NSUN6: variants seen among roughly 807,000 people sequenced by gnomAD.
The protein encoded by NSUN6 is NOP2/Sun RNA methyltransferase 6.
A neutral mutation model predicts 58.0 loss-of-function variants in NSUN6; 64 were observed. The observed-to-expected ratio is 1.10, with a 90% CI of 0.90 to 1.36. The LOEUF (loss-of-function observed/expected upper bound fraction) is 1.36, where lower values mean the gene tolerates loss of function less well. Ranked by LOEUF, NSUN6 falls within the 40% of genes most tolerant of loss-of-function variation. NSUN6 has a pLI of 0.00. For missense variants in NSUN6, 701 were observed against 550.1 expected (o/e 1.27, Z -2.74); for synonymous variants, 231 against 193.9 (o/e 1.19, Z -1.59).
intron 3 of NSUN6, among the ~76,000 whole-genome samples, chr10:18,626,716 G>A (rs374140959): frequency 1.3e-5 from 2 of 152,288 alleles, no homozygotes; most frequent in Admixed American, 1.3e-4. Flanking sequence ...GCAGTGAGCC[G>A]AGATCGTGCC....
intron 3 of NSUN6, among the ~76,000 whole-genome samples, chr10:18,630,809 A>T (rs1450794561): frequency 1.3e-5 from 2 of 152,178 alleles, no homozygotes; most frequent in Non-Finnish European, 2.9e-5. Context: ...TTCACAGCCA[A>T]ATTCTACCAG....
At chr10:18,646,698 G>T (rs1408975303) in intron 2 of NSUN6, among the ~76,000 whole-genome samples, 1 of 152,098 alleles carries the variant, frequency 6.6e-6, no homozygotes, top group Non-Finnish European at 1.5e-5. Context: ...CAAAAATGTA[G>T]CAGGCGTCTG....
chr10:18,552,106 T>C (rs1364314808), intron 8 of NSUN6, 135 bp from the exon 9 acceptor site: 4 of 593,696 alleles, frequency 6.7e-6, no homozygotes, highest in African/African-American at 1.9e-5. Context: ...ATCAAGTAGC[T>C]GGTTAAACTA....
At chr10:18,560,135 C>T (rs528828032) in intron 8 of NSUN6, among the ~76,000 whole-genome samples, 43 of 137,062 alleles carry the variant, frequency 3.1e-4, no homozygotes, top group Non-Finnish European at 6.1e-4. Context: ...ATCGAGAATG[C>T]AGAATGGATA....
At position 18,641,684 on chromosome 10, in the gene NSUN6, T is replaced by C. The variant is rs555308814; in HGVS notation, c.311+792A>G. Among the ~76,000 whole-genome samples, 3 of 152,274 alleles carry C rather than the reference T, an allele frequency of 2.0e-5. No homozygotes were observed. In the East Asian group the frequency reaches 5.8e-4, roughly 29 times the overall value. On this transcript the variant is annotated intron_variant, in intron 3 of 10. Coordinates refer to ENST00000377304, the MANE Select transcript of NSUN6 (RefSeq NM_182543.5). ...CCACCAGATCCAGCCTGAAACCTATTTTTCAATTTTCAAACATATGCTTTC... is the reference window on the plus strand; with the variant it reads ...CCACCAGATCCAGCCTGAAACCTATCTTTCAATTTTCAAACATATGCTTTC...
intron 8 of NSUN6, among the ~76,000 whole-genome samples, chr10:18,573,587 T>C (rs2056501858): frequency 6.6e-6 from 1 of 152,140 alleles, no homozygotes. Flanking sequence ...TAGAAAAAGT[T>C]GTCATCCCAG....
At chr10:18,583,836 G>A (rs1311344832) in intron 8 of NSUN6, among the ~76,000 whole-genome samples, 1 of 152,138 alleles carries the variant, frequency 6.6e-6, no homozygotes, top group East Asian at 1.9e-4. Flanking sequence ...CTGAGTGCTT[G>A]CATTTTTCTA....
At chr10:18,616,074 G>C (rs866828852) in intron 4 of NSUN6, 110 bp downstream of exon 4, 16 of 653,700 alleles carry the variant, frequency 2.4e-5, no homozygotes, top group Middle Eastern at 2.5e-4. Flanking sequence ...AAAAATACCC[G>C]ACCAAGAAAA....
intron 3 of NSUN6, among the ~76,000 whole-genome samples, chr10:18,624,482 T>C (rs1047160109): frequency 2.0e-5 from 3 of 151,056 alleles, no homozygotes; most frequent in Admixed American, 6.6e-5. Flanking sequence ...GAGACCATCC[T>C]GGCTAAAAAA....
intron 10 of NSUN6, 59 bp downstream of exon 10, chr10:18,548,053 C>T: frequency 2.6e-6 from 4 of 1,537,850 alleles, no homozygotes; most frequent in Non-Finnish European, 3.6e-6. Context: ...CTGATTACCA[C>T]AGTGCTTCAG....
intron 3 of NSUN6, among the ~76,000 whole-genome samples, chr10:18,631,810 G>A (rs1176486108): frequency 9.2e-5 from 14 of 152,116 alleles, no homozygotes; most frequent in Non-Finnish European, 1.5e-4. Context: ...AATCAATATC[G>A]TAAAAATGGC....
chr10:18,555,906 A>AATG lies in NSUN6; in HGVS notation c.923-3936_923-3935insCAT, dbSNP rs1554850206. ...TGGAATGGAGAATAGAATGGAATGG[A>AATG]GAATGGAATGGAATGGAATGGAATG... On this transcript the variant is annotated intron_variant, in intron 8 of 10. Coordinates refer to ENST00000377304, the MANE Select transcript of NSUN6 (RefSeq NM_182543.5). Among the ~76,000 whole-genome samples, 216 of 140,626 alleles carry AATG rather than the reference A, an allele frequency of 1.5e-3. 3 individuals carry two copies. Among genetic ancestry groups the AATG allele is most frequent in the African/African-American group, 5.3e-3 (199 of 37,582 alleles). 92.3% of individuals were successfully genotyped at this position (140,626 alleles called of 152,430 possible).
In NSUN6 at chr10:18,571,090, T is replaced by C. The variant is rs374940868; in HGVS notation, c.922+14859A>G. On this transcript the variant is annotated intron_variant, in intron 8 of 10. Transcript: ENST00000377304. ...CCATTTCATTGCATTCCATGCTCCATTCCATTCCATTCTCCATTCCATTCC... is the reference window on the plus strand; with the variant it reads ...CCATTTCATTGCATTCCATGCTCCACTCCATTCCATTCTCCATTCCATTCC... Among the ~76,000 whole-genome samples the C allele has an allele frequency of 4.6e-5, 7 of 151,748 alleles. 1 individual carries two copies. The South Asian group carries it at 1.5e-3, about 32-fold the overall frequency.
chr10:18,560,122 G>A (rs967234288), intron 8 of NSUN6, among the ~76,000 whole-genome samples: 1 of 149,776 alleles, frequency 6.7e-6, no homozygotes, highest in African/African-American at 2.5e-5. Context: ...GGAATGGAAT[G>A]GAATCGAGAA....
chr10:18,642,814 T>C (rs1356755666), intron 2 of NSUN6, among the ~76,000 whole-genome samples: 2 of 152,208 alleles, frequency 1.3e-5, no homozygotes, highest in Non-Finnish European at 1.5e-5. Context: ...CAAACCGTGG[T>C]TACCCTAAAT....
At chr10:18,572,773 T>C (rs1056770030) in intron 8 of NSUN6, among the ~76,000 whole-genome samples, 2 of 150,198 alleles carry the variant, frequency 1.3e-5, no homozygotes, top group African/African-American at 4.9e-5. Context: ...CCCCATTCCA[T>C]TTCAAACTCC....
chr10:18,625,506 G>A (rs2058760420), intron 3 of NSUN6, among the ~76,000 whole-genome samples: 1 of 151,778 alleles, frequency 6.6e-6, no homozygotes, highest in Non-Finnish European at 1.5e-5. Flanking sequence ...CGATTCAAGA[G>A]TTTGAAGACC....
chr10:18,605,405 T>C (rs1040483509), intron 6 of NSUN6, among the ~76,000 whole-genome samples: 1 of 152,134 alleles, frequency 6.6e-6, no homozygotes, highest in Admixed American at 6.5e-5. Flanking sequence ...GGAGTCCTCT[T>C]ATATTGAAGT....
At chr10:18,636,216 C>G (rs2059209449) in intron 3 of NSUN6, among the ~76,000 whole-genome samples, 1 of 151,990 alleles carries the variant, frequency 6.6e-6, no homozygotes, top group Admixed American at 6.6e-5. Flanking sequence ...TGCGGGAGAT[C>G]TGCCAAGTGA....
Sources: gnomAD v4.1 joint callset for allele counts (sites outside exome capture counted in the v4.1 genomes callset) on GRCh38, gnomAD v4.1.1 for gene constraint, MANE v1.5 for transcripts, NCBI Gene and HGNC (gene_info 2026-07-23, HGNC 2026-07-21) for gene names.